The following LRBA variants were observed in gnomAD, a reference collection of about 807,000 sequenced individuals.
The protein encoded by LRBA is LPS responsive beige-like anchor protein, also known as lipopolysaccharide-responsive and beige-like anchor protein.
Under a neutral mutation model 330.0 loss-of-function variants are expected in LRBA, and 176 were observed. That is an observed-to-expected ratio of 0.53 (90% CI 0.47 to 0.60). LRBA has a LOEUF of 0.60. Among genes scored for constraint, LRBA ranks in the 20% least tolerant of loss-of-function variants. LRBA has a pLI of 0.00. For synonymous variants in LRBA, 1,230 were observed against 1,193.0 expected (o/e 1.03, Z -0.64); for missense variants, 3,259 against 3,444.8 (o/e 0.95, Z 1.35).
intron 33 of LRBA, among the ~76,000 whole-genome samples, chr4:150,799,711 C>T (rs1741308995): frequency 6.6e-6 from 1 of 152,008 alleles, no homozygotes; most frequent in Non-Finnish European, 1.5e-5. Context: ...CTCCTTTGTC[C>T]CTCTTACCAC....
intron 35 of LRBA, among the ~76,000 whole-genome samples, chr4:150,748,521 G>A (rs1276803007): frequency 1.3e-5 from 2 of 152,076 alleles, no homozygotes; most frequent in African/African-American, 4.8e-5. Flanking sequence ...ACAAAAACTA[G>A]CTGGGCATGG....
rs1313756422 is a variant in LRBA, at chr4:150,421,113, C to A, written c.7042-5523G>T. On this transcript the variant is annotated intron_variant, in intron 46 of 56. Coordinates refer to ENST00000651943, the MANE Select transcript of LRBA (RefSeq NM_001364905.1). ...ATATATATAAAGTATATATAATATA[C>A]ATTATAATATATATAAAGTATATAT... 2.0e-4 allele frequency among the ~76,000 whole-genome samples: 14 copies of A among 69,848 alleles called. 1 individual carries two copies. Among genetic ancestry groups the A allele is most frequent in the South Asian group, 4.4e-4 (1 of 2,296 alleles). The allele number at this position is 69,848 out of a possible 152,430, so 45.8% of individuals were successfully genotyped here. A position where few individuals can be genotyped will look rare whatever the true frequency, so the allele number is the denominator to read the frequency against.
chr4:150,903,434 T>C (rs1347320118), intron 13 of LRBA, among the ~76,000 whole-genome samples: 1 of 151,818 alleles, frequency 6.6e-6, no homozygotes, highest in Admixed American at 6.6e-5. Context: ...AATGATACTG[T>C]GGTAAAAGAA....
intron 37 of LRBA, among the ~76,000 whole-genome samples, chr4:150,601,522 T>C (rs1774106980): frequency 6.6e-6 from 1 of 152,096 alleles, no homozygotes. Context: ...TTTATTTTTA[T>C]ACCTTGACAC....
At chr4:150,275,244 A>G (rs576915194) in intron 56 of LRBA, among the ~76,000 whole-genome samples, 4 of 152,360 alleles carry the variant, frequency 2.6e-5, no homozygotes, top group African/African-American at 9.6e-5. Flanking sequence ...TCATCCTAAA[A>G]ACTCTCAATA....
chr4:150,870,710 A>T, intron 19 of LRBA, 104 bp from the exon 20 acceptor site: 1 of 616,832 alleles, frequency 1.6e-6, no homozygotes, highest in Admixed American at 2.6e-5. Flanking sequence ...GTACAACACT[A>T]ATCAAAATAT....
chr4:150,991,127 G>T (rs187685951), intron 2 of LRBA, among the ~76,000 whole-genome samples: 1 of 149,800 alleles, frequency 6.7e-6, no homozygotes, highest in Non-Finnish European at 1.5e-5. Context: ...AAGAGGAAGC[G>T]TAAGAAGAAG....
chr4:150,847,271 AATG>A (rs902515603), intron 26 of LRBA, among the ~76,000 whole-genome samples: 1 of 152,178 alleles, frequency 6.6e-6, no homozygotes, highest in Non-Finnish European at 1.5e-5. Context: ...ATAGTCAATA[AATG>A]ATAACTTTTA....
In LRBA at chr4:150,567,845, C is replaced by A. The variant is rs79898502; in HGVS notation, c.6330+20203G>T. On this transcript the variant is annotated intron_variant, in intron 40 of 56. Transcript: ENST00000651943. ...GATTTATTTAGCATGTACTATTTAC[C>A]TAGGCATGTGGTGCTACCAAGTAAA... Among the ~76,000 whole-genome samples, 172 of 152,218 alleles carry A rather than the reference C, an allele frequency of 1.1e-3. 3 individuals are homozygous for A. The highest frequency in any genetic ancestry group is 4.0e-3 in the African/African-American group (168 of 41,526).
chr4:150,564,701 C>A (rs919726942), intron 40 of LRBA, among the ~76,000 whole-genome samples: 3 of 151,802 alleles, frequency 2.0e-5, no homozygotes, highest in African/African-American at 7.3e-5. Flanking sequence ...AAAAAAACAA[C>A]CCCATCAAAA....
chr4:150,417,824 G>A (rs1326044720), intron 46 of LRBA, among the ~76,000 whole-genome samples: 1 of 151,998 alleles, frequency 6.6e-6, no homozygotes, highest in Admixed American at 6.6e-5. Flanking sequence ...AAGCAGAATG[G>A]AACAAATGAC....
chr4:150,520,184 T>C (rs1762772835), intron 40 of LRBA, among the ~76,000 whole-genome samples: 1 of 152,216 alleles, frequency 6.6e-6, no homozygotes, highest in Non-Finnish European at 1.5e-5. Flanking sequence ...AAGTCTCTTG[T>C]TCTTCAATGG....
chr4:150,889,020 A>C (rs1729211773), intron 17 of LRBA, among the ~76,000 whole-genome samples: 1 of 152,236 alleles, frequency 6.6e-6, no homozygotes, highest in Non-Finnish European at 1.5e-5. Context: ...GTAGACCAGC[A>C]AGCTGAAGAT....
chr4:150,385,248 A>T (rs2151896777), intron 47 of LRBA, among the ~76,000 whole-genome samples: 1 of 152,278 alleles, frequency 6.6e-6, no homozygotes. Context: ...GCAGGCCTGC[A>T]TAAAAACGAT....
chr4:150,897,811 C>CG lies in LRBA; in HGVS notation c.1931dup (p.Arg645AlafsTer3), dbSNP rs745453685. The CG allele has an allele frequency of 3.1e-6, 5 of 1,609,474 alleles. No individual in the cohort carries two copies. The Admixed American group carries it at 8.3e-5, about 27-fold the overall frequency. Reference sequence around the variant, plus strand: ...AAAGCATTTCTTTTTGATTAGGTCGCGGTCCATCTTTTAAAAAAATATACA... The same window carrying CG: ...AAAGCATTTCTTTTTGATTAGGTCGCGGGTCCATCTTTTAAAAAAATATACA... On this transcript the variant is annotated frameshift_variant, in exon 15 of 57. Coordinates refer to ENST00000651943, the MANE Select transcript of LRBA (RefSeq NM_001364905.1). LOFTEE classifies it high-confidence loss of function.
intron 21 of LRBA, 46 bp downstream of exon 21, chr4:150,868,136 A>C (rs1261784660): frequency 6.5e-7 from 1 of 1,547,612 alleles, no homozygotes; most frequent in Non-Finnish European, 8.7e-7. Context: ...GCTTATACAA[A>C]AGTACATTTG....
intron 40 of LRBA, among the ~76,000 whole-genome samples, chr4:150,514,764 G>A (rs1021477943): frequency 2.0e-5 from 3 of 152,248 alleles, no homozygotes; most frequent in Admixed American, 6.5e-5. Context: ...CATTCGATCC[G>A]AAGTATATTA....
intron 37 of LRBA, among the ~76,000 whole-genome samples, chr4:150,606,841 G>A (rs965883698): frequency 1.3e-5 from 2 of 152,174 alleles, no homozygotes; most frequent in South Asian, 4.1e-4. Flanking sequence ...ATTTCAATGA[G>A]GATCTATTTT....
At chr4:150,771,533 G>A (rs1037271077) in intron 34 of LRBA, among the ~76,000 whole-genome samples, 3 of 152,158 alleles carry the variant, frequency 2.0e-5, no homozygotes, top group African/African-American at 4.8e-5. Flanking sequence ...GCAGAAGTAC[G>A]GCATGCAGGG....
Sources: gnomAD v4.1 joint callset for allele counts (sites outside exome capture counted in the v4.1 genomes callset) on GRCh38, gnomAD v4.1.1 for gene constraint, MANE v1.5 for transcripts, NCBI Gene and HGNC (gene_info 2026-07-23, HGNC 2026-07-21) for gene names.